SDK1: variants seen among roughly 807,000 people sequenced by gnomAD.
SDK1 encodes the protein sidekick cell adhesion molecule 1, also known as protein sidekick-1.
Under a neutral mutation model 245.5 loss-of-function variants are expected in SDK1, and 157 were observed. That is an observed-to-expected ratio of 0.64 (90% CI 0.56 to 0.73). SDK1 has a LOEUF of 0.73. Among genes scored for constraint, SDK1 ranks in the 30% least tolerant of loss-of-function variants. The probability of loss-of-function intolerance (pLI) is 0.00; values close to 1 mark genes in which losing one functional copy is unlikely to be tolerated. For synonymous variants in SDK1, 1,647 were observed against 1,278.5 expected (o/e 1.29, Z -6.15); for missense variants, 3,583 against 3,002.3 (o/e 1.19, Z -4.52).
At chr7:3,556,072 A>G (rs1407253033) in intron 1 of SDK1, among the ~76,000 whole-genome samples, 4 of 152,234 alleles carry the variant, frequency 2.6e-5, no homozygotes. Context: ...TTAGGTATAT[A>G]TGCCAAAGAA....
At chr7:4,129,885 C>T (rs1784679074) in intron 26 of SDK1, 23 bp from the exon 27 acceptor site, 1 of 1,612,524 alleles carries the variant, frequency 6.2e-7, no homozygotes, top group African/African-American at 1.3e-5. Flanking sequence ...CCTGATAACC[C>T]TCGTGCTGTG....
intron 4 of SDK1, among the ~76,000 whole-genome samples, chr7:3,656,818 G>A (rs1489795618): frequency 6.6e-6 from 1 of 151,492 alleles, no homozygotes; most frequent in Admixed American, 6.6e-5. Context: ...CGCAATCTCG[G>A]CTCACTGCAA....
chr7:4,007,843 A>T lies in SDK1; in HGVS notation c.2132-3123A>T, dbSNP rs150515658. 3.9e-3 allele frequency among the ~76,000 whole-genome samples: 598 copies of T among 152,126 alleles called. 10 individuals carry two copies. Among genetic ancestry groups the T allele is most frequent in the African/African-American group, 0.014 (581 of 41,486 alleles). On this transcript the variant is annotated intron_variant, in intron 14 of 44. Coordinates refer to ENST00000404826, the MANE Select transcript of SDK1 (RefSeq NM_152744.4). ...CTGGTCTTGAACTCCTGACCTCGTG[A>T]TCCACCTGCCTCAGCCTCCAAAAGT... is the stretch of plus-strand genomic sequence containing the variant.
At chr7:3,366,081 A>G (rs970803585) in intron 1 of SDK1, among the ~76,000 whole-genome samples, 8 of 151,246 alleles carry the variant, frequency 5.3e-5, no homozygotes, top group African/African-American at 1.9e-4. Context: ...TTCTGTGTAG[A>G]TATTTTACCG....
At chr7:3,437,659 T>G (rs1780067870) in intron 1 of SDK1, among the ~76,000 whole-genome samples, 1 of 152,048 alleles carries the variant, frequency 6.6e-6, no homozygotes, top group Non-Finnish European at 1.5e-5. Flanking sequence ...CCCACCTATT[T>G]CAGGGGGCAG....
intron 1 of SDK1, among the ~76,000 whole-genome samples, chr7:3,348,668 C>G (rs964510337): frequency 3.9e-5 from 6 of 152,084 alleles, no homozygotes; most frequent in African/African-American, 1.4e-4. Flanking sequence ...CCCCATGTAA[C>G]CTGTGTATGT....
chr7:3,532,789 T>G (rs191825294), intron 1 of SDK1, among the ~76,000 whole-genome samples: 10 of 152,326 alleles, frequency 6.6e-5, no homozygotes, highest in South Asian at 2.1e-4. Flanking sequence ...TTGTCTAGTT[T>G]ACAGCCTATG....
chr7:3,495,977 C>G (rs1562522203), intron 1 of SDK1, among the ~76,000 whole-genome samples: 1 of 152,192 alleles, frequency 6.6e-6, no homozygotes, highest in Non-Finnish European at 1.5e-5. Flanking sequence ...ACATACTTAT[C>G]TTTTCTCAGT....
intron 1 of SDK1, among the ~76,000 whole-genome samples, chr7:3,516,425 C>A (rs939913): frequency 0.71 from 108,188 of 151,950 alleles, 39,952 homozygotes; most frequent in African/African-American, 0.92. Flanking sequence ...ATTTGAATTA[C>A]TTTGTCACAG....
At chr7:3,438,162 T>C (rs1780084208) in intron 1 of SDK1, among the ~76,000 whole-genome samples, 1 of 152,192 alleles carries the variant, frequency 6.6e-6, no homozygotes, top group Non-Finnish European at 1.5e-5. Context: ...CATTGCATGG[T>C]CTTTTTGTTC....
At chr7:3,770,519 T>C (rs1402869925) in intron 4 of SDK1, among the ~76,000 whole-genome samples, 6 of 152,212 alleles carry the variant, frequency 3.9e-5, no homozygotes, top group Non-Finnish European at 5.9e-5. Flanking sequence ...TCCTAAGAAA[T>C]TGTAAAATTG....
intron 44 of SDK1, among the ~76,000 whole-genome samples, chr7:4,253,081 A>T (rs1465395484): frequency 6.6e-6 from 1 of 152,106 alleles, no homozygotes; most frequent in African/African-American, 2.4e-5. Flanking sequence ...CAAAGAACCA[A>T]CTTGTAGTTT....
Position 4,265,666 on chromosome 7 carries a change from CT to C in SDK1, c.*283del. On this transcript the variant is annotated 3_prime_UTR_variant, in exon 45 of 45. Transcript: ENST00000404826. ...TGCAATGGCTTGGCACCTCCGGGGCCTGGGAGGACCTCAGACCTCCCCAGCC... is the reference window on the plus strand; with the variant it reads ...TGCAATGGCTTGGCACCTCCGGGGCCGGGAGGACCTCAGACCTCCCCAGCC... 3 of 1,211,898 alleles carry C rather than the reference CT, an allele frequency of 2.5e-6. No homozygotes were observed. The highest frequency in any genetic ancestry group is 3.1e-6 in the Non-Finnish European group (3 of 977,672). The allele number at this position is 1,211,898 out of a possible 1,614,324, so 75.1% of individuals were successfully genotyped here. A position where few individuals can be genotyped will look rare whatever the true frequency, so the allele number is the denominator to read the frequency against.
chr7:3,508,702 T>G (rs1457562333), intron 1 of SDK1, among the ~76,000 whole-genome samples: 6 of 152,184 alleles, frequency 3.9e-5, no homozygotes, highest in Non-Finnish European at 8.8e-5. Flanking sequence ...TTCAAAGTGT[T>G]CTGTACCTTT....
intron 4 of SDK1, among the ~76,000 whole-genome samples, chr7:3,678,044 A>T (rs1448986272): frequency 6.6e-6 from 1 of 152,246 alleles, no homozygotes; most frequent in Non-Finnish European, 1.5e-5. Context: ...GTCAAACCAC[A>T]GCAGGTCATG....
intron 4 of SDK1, among the ~76,000 whole-genome samples, chr7:3,731,677 A>G (rs926585364): frequency 6.6e-6 from 1 of 152,236 alleles, no homozygotes; most frequent in Admixed American, 6.5e-5. Flanking sequence ...CCAGGAATAC[A>G]AACACCATAT....
chr7:3,962,716 A>G lies in SDK1; in HGVS notation c.1294A>G (p.Asn432Asp). ...TGCCATCTCCATCAGCAGGCTCCAG[A>G]ATCCTCGATACAAAGTGCTCGCCAG... ...KDAISISRLQNPRYKVLASGG... is the reference protein window; with the variant it reads ...KDAISISRLQDPRYKVLASGG... Residue 432 changes from asparagine to aspartate, a missense_variant, in exon 9 of 45, where the codon AAT becomes GAT. Physicochemically the swap from Asn to Asp is conservative, Grantham distance 23. Coordinates refer to ENST00000404826, the MANE Select transcript of SDK1 (RefSeq NM_152744.4). The G allele has an allele frequency of 6.2e-7, 1 of 1,613,784 alleles. No individual in the cohort carries two copies. Among genetic ancestry groups the G allele is most frequent in the Non-Finnish European group, 8.5e-7 (1 of 1,179,868 alleles).
rs959984236 is a variant in SDK1 at position 4,134,077 on chromosome 7, C to T, written c.4228+1654C>T. 5.3e-5 allele frequency among the ~76,000 whole-genome samples: 8 copies of T among 152,250 alleles called. No homozygotes were observed. The South Asian group carries it at 6.2e-4, about 12-fold the overall frequency. On this transcript the variant is annotated intron_variant, in intron 28 of 44. Transcript: ENST00000404826. Reference sequence around the variant, plus strand: ...AGATTTGCCTTGTAGGTAATCACTCCGGCAGCCTGAGAAGGGTGGACGGAA... The same window carrying T: ...AGATTTGCCTTGTAGGTAATCACTCTGGCAGCCTGAGAAGGGTGGACGGAA...
At chr7:3,530,205 A>G (rs1175076998) in intron 1 of SDK1, among the ~76,000 whole-genome samples, 1 of 152,232 alleles carries the variant, frequency 6.6e-6, no homozygotes, top group Non-Finnish European at 1.5e-5. Flanking sequence ...ACATTTTAAA[A>G]TAAAGATACA....
Sources: gnomAD v4.1 joint callset for allele counts (sites outside exome capture counted in the v4.1 genomes callset) on GRCh38, gnomAD v4.1.1 for gene constraint, MANE v1.5 for transcripts, NCBI Gene and HGNC (gene_info 2026-07-23, HGNC 2026-07-21) for gene names.